Variants in MAP3K12 observed in about 807,000 individuals in gnomAD.
MAP3K12 encodes MAPK-upstream kinase.
Under a neutral mutation model 87.5 loss-of-function variants are expected in MAP3K12, and 14 were observed. That is an observed-to-expected ratio of 0.16 (90% CI 0.11 to 0.25). MAP3K12 has a LOEUF of 0.25. MAP3K12 is among the 10% of genes least tolerant of loss of function. The pLI is 1.00. For missense variants in MAP3K12, 802 were observed against 1,140.4 expected, an observed-to-expected ratio of 0.70 and a Z score of 4.27; for synonymous variants, 469 against 452.5, an observed-to-expected ratio of 1.04 and a Z score of -0.46.
intron 1 of MAP3K12, among the ~76,000 whole-genome samples, chr12:53,496,681 T>C (rs2137238998): frequency 6.6e-6 from 1 of 152,384 alleles, no homozygotes; most frequent in East Asian, 1.9e-4. Context: ...TGTTTTAATT[T>C]TCTCCTTTGG....
chr12:53,493,560 A>T (rs1275400712), intron 1 of MAP3K12: 1 of 152,800 alleles, frequency 6.5e-6, no homozygotes, highest in Non-Finnish European at 1.5e-5. Flanking sequence ...AGCGGAGTCA[A>T]CCCCGAGAAG....
chr12:53,482,114 T>C lies in MAP3K12; in HGVS notation c.2407A>G (p.Ser803Gly), dbSNP rs1943071660. 2 of 1,614,188 alleles carry C rather than the reference T, an allele frequency of 1.2e-6. No homozygotes were observed. Among genetic ancestry groups the C allele is most frequent in the Non-Finnish European group, 1.7e-6 (2 of 1,180,030 alleles). Residue 803 changes from serine to glycine, a missense_variant, in exon 13 of 14, where the codon AGT (serine) becomes GGT (glycine). Ser to Gly is a moderately conservative substitution (Grantham distance 56, BLOSUM62 0). Coordinates refer to ENST00000547488, the MANE Select transcript of MAP3K12 (RefSeq NM_001193511.2). ...EEGTASEPSP[S>G]GTPEVGSTNT... ...GTGCTGCCAACTTCAGGTGTGCCAC[T>C]GGGGGAAGGTTCACTAGCTGTGCCT...
chr12:53,487,470 C>T, intron 1 of MAP3K12, 42 bp from the exon 2 acceptor site: 2 of 1,528,478 alleles, frequency 1.3e-6, no homozygotes, highest in Admixed American at 2.1e-5. Flanking sequence ...GTTAAAGCCC[C>T]AGGACTGCCT....
chr12:53,488,799 G>A (rs1202038633), intron 1 of MAP3K12, among the ~76,000 whole-genome samples: 5 of 151,980 alleles, frequency 3.3e-5, no homozygotes. Context: ...TGAGACCTTG[G>A]CTGGGCGCAG....
At chr12:53,481,335 AT>A in intron 13 of MAP3K12, 55 bp from the exon 14 acceptor site, 3 of 1,003,580 alleles carry the variant, frequency 3.0e-6, no homozygotes, top group South Asian at 2.0e-5. Flanking sequence ...TGCTGGGGTC[AT>A]TTTAATAGCC....
At chr12:53,489,214 C>T (rs1943333822) in intron 1 of MAP3K12, among the ~76,000 whole-genome samples, 1 of 152,042 alleles carries the variant, frequency 6.6e-6, no homozygotes, top group African/African-American at 2.4e-5. Context: ...ACTGTGGTCC[C>T]AGCTCCTCTG....
chr12:53,487,007 G>A lies in MAP3K12; in HGVS notation c.385C>T (p.Arg129Cys). 1 of 1,614,128 alleles carries A rather than the reference G, an allele frequency of 6.2e-7. No individual in the cohort carries two copies. Among genetic ancestry groups the A allele is most frequent in the Non-Finnish European group, 8.5e-7 (1 of 1,180,010 alleles). The change falls in exon 2 of 14, where the codon CGC (arginine) becomes TGC (cysteine). Residue 129 changes from arginine to cysteine, a missense_variant. Transcript: ENST00000547488. ...GFLEGLFGCL[R>C]PVWTMIGKAY... ...TTGCCAATCATGGTCCAGACAGGGC[G>A]CAGGCAGCCAAAGAGGCCCTCAAGG...
At position 53,482,180 on chromosome 12, in the gene MAP3K12, G is replaced by C; in HGVS notation, c.2341C>G (p.Leu781Val). The C allele has an allele frequency of 6.2e-7, 1 of 1,614,248 alleles. No individual in the cohort carries two copies. The highest frequency in any genetic ancestry group is 8.5e-7 in the Non-Finnish European group (1 of 1,180,040). The change falls in exon 13 of 14, where the codon CTA (leucine) becomes GTA (valine). Residue 781 changes from leucine to valine, a missense_variant. By Grantham distance (32) the Leu-to-Val change is conservative (BLOSUM62 1). Coordinates refer to ENST00000547488, the MANE Select transcript of MAP3K12 (RefSeq NM_001193511.2). ...WPQSLNMRQS[L>V]STFSSENPSD... ...GGATTCTCTGAGCTGAAGGTAGATA[G>C]TGACTGGCGCATGTTCAGGCTCTGA...
At chr12:53,491,301 A>AAAAAAAAAAAAAAAAAAAAAAAAAAAAG (rs796169121) in intron 1 of MAP3K12, among the ~76,000 whole-genome samples, 2 of 101,550 alleles carry the variant, frequency 2.0e-5, no homozygotes, top group African/African-American at 3.8e-5. Flanking sequence ...AAAAAAAAAA[A>AAAAAAAAAAAAAAAAAAAAAAAAAAAAG]AAAAGAAAAG....
intron 1 of MAP3K12, among the ~76,000 whole-genome samples, chr12:53,497,273 C>T (rs1327662259): frequency 6.6e-6 from 1 of 152,182 alleles, no homozygotes; most frequent in Non-Finnish European, 1.5e-5. Context: ...GTGCCTAACA[C>T]ACACTTGTAA....
At chr12:53,485,856 T>A in intron 4 of MAP3K12, 200 bp downstream of exon 4, 1 of 589,592 alleles carries the variant, frequency 1.7e-6, no homozygotes, top group Non-Finnish European at 2.9e-6. Context: ...GCATCCGGCC[T>A]GCCTTTCAGT....
chr12:53,499,775 G>A (rs1943642171), upstream of MAP3K12, among the ~76,000 whole-genome samples: 1 of 152,158 alleles, frequency 6.6e-6, no homozygotes, highest in African/African-American at 2.4e-5. Context: ...GCCATCCGGC[G>A]CGCTCCAGGC....
intron 13 of MAP3K12, 33 bp from the exon 14 acceptor site, chr12:53,481,313 C>T: frequency 7.7e-7 from 1 of 1,294,172 alleles, no homozygotes; most frequent in Non-Finnish European, 1.0e-6. Context: ...AGTGAGATTC[C>T]TTGGGGTTCT....
upstream of MAP3K12, chr12:53,501,251 C>G (rs561977038): frequency 1.3e-6 from 1 of 742,900 alleles, no homozygotes; most frequent in Non-Finnish European, 2.2e-6. Flanking sequence ...TGGAGGCTCA[C>G]GAAGTAGGGT....
Position 53,482,880 on chromosome 12 carries a change from T to TGAA in MAP3K12, c.1920_1922dup (p.Ser643dup). Reference sequence around the variant, plus strand: ...CTGCTGACAGCAGGTCTGGGGACGATGAAGACATTTTGCGGAGCAGGAGGT... The same window carrying TGAA: ...CTGCTGACAGCAGGTCTGGGGACGATGAAGAAGACATTTTGCGGAGCAGGAGGT... On this transcript the variant is annotated inframe_insertion, in exon 11 of 14. Transcript: ENST00000547488. The TGAA allele has an allele frequency of 6.2e-7, 1 of 1,612,692 alleles. No individual in the cohort carries two copies. Among genetic ancestry groups the TGAA allele is most frequent in the Non-Finnish European group, 8.5e-7 (1 of 1,179,868 alleles).
intron 7 of MAP3K12, 102 bp downstream of exon 7, chr12:53,484,155 T>C (rs1943160230): frequency 7.4e-7 from 1 of 1,356,450 alleles, no homozygotes; most frequent in Admixed American, 1.8e-5. Context: ...TAAGAGCCAA[T>C]CTCTTCAGTC....
intron 1 of MAP3K12, among the ~76,000 whole-genome samples, chr12:53,489,045 C>T (rs1349535069): frequency 1.4e-5 from 2 of 146,756 alleles, no homozygotes; most frequent in Non-Finnish European, 3.0e-5. Context: ...CACCACTGCA[C>T]TCCAGCCTTG....
intron 1 of MAP3K12, among the ~76,000 whole-genome samples, chr12:53,496,439 G>A (rs1447950390): frequency 6.6e-6 from 1 of 152,140 alleles, no homozygotes; most frequent in African/African-American, 2.4e-5. Context: ...CTTTGATCAC[G>A]TGGCCCTGGA....
chr12:53,492,457 G>A (rs1200305182), intron 1 of MAP3K12, among the ~76,000 whole-genome samples: 1 of 151,610 alleles, frequency 6.6e-6, no homozygotes, highest in Non-Finnish European at 1.5e-5. Flanking sequence ...CTCTGCGCGC[G>A]CGCGCGCGCG....
Sources: allele counts gnomAD v4.1 joint callset (sites outside exome capture counted in the v4.1 genomes callset), GRCh38; gene constraint gnomAD v4.1.1; transcripts MANE v1.5; gene names NCBI Gene and HGNC (gene_info 2026-07-23, HGNC 2026-07-21).